The following GPC6 variants were observed in gnomAD, a reference collection of about 807,000 sequenced individuals.
GPC6 encodes the protein glypican-6.
In GPC6, 14 loss-of-function variants were observed where a neutral mutation model predicts 55.2. The ratio of observed to expected loss-of-function variants is 0.25; its 90% CI spans 0.17 to 0.40. GPC6 has a LOEUF of 0.40. GPC6 is among the 10% of genes least tolerant of loss of function. The probability of loss-of-function intolerance (pLI) is 1.00; values close to 1 mark genes in which losing one functional copy is unlikely to be tolerated. For synonymous variants in GPC6, 278 were observed against 259.6 expected (o/e 1.07, Z -0.68); for missense variants, 641 against 708.5 (o/e 0.90, Z 1.08).
At chr13:93,876,791 T>C (rs1173195724) in intron 3 of GPC6, among the ~76,000 whole-genome samples, 1 of 152,068 alleles carries the variant, frequency 6.6e-6, no homozygotes, top group African/African-American at 2.4e-5. Flanking sequence ...CTAGCAACCA[T>C]TTTGCTCTTA....
At chr13:93,538,794 T>G (rs1166335579) in intron 1 of GPC6, among the ~76,000 whole-genome samples, 1 of 152,192 alleles carries the variant, frequency 6.6e-6, no homozygotes, top group Non-Finnish European at 1.5e-5. Flanking sequence ...GTATGTTTCC[T>G]TCAGGAAAGA....
chr13:93,362,913 C>T (rs965598696), intron 1 of GPC6, among the ~76,000 whole-genome samples: 18 of 152,030 alleles, frequency 1.2e-4, no homozygotes, highest in African/African-American at 4.3e-4. Context: ...CAGATTCCAT[C>T]GCCCCACTGA....
At chr13:94,062,449 C>G (rs567160086) in intron 4 of GPC6, among the ~76,000 whole-genome samples, 1 of 152,130 alleles carries the variant, frequency 6.6e-6, no homozygotes, top group South Asian at 2.1e-4. Context: ...CCAGGTTTCA[C>G]CATGTTAGCC....
intron 3 of GPC6, among the ~76,000 whole-genome samples, chr13:93,861,946 A>G (rs74111004): frequency 0.037 from 5,581 of 151,728 alleles, 285 homozygotes; most frequent in East Asian, 0.17. Flanking sequence ...ATAAGGAGAC[A>G]TGCCTGCCCT....
chr13:93,425,308 G>A (rs1980727), intron 1 of GPC6, among the ~76,000 whole-genome samples: 23,153 of 152,004 alleles, frequency 0.15, 2,346 homozygotes, highest in East Asian at 0.47. Context: ...GTACTTGGTT[G>A]AATGATCAGT....
chr13:93,216,570 G>T, the GPC6 span, among the ~76,000 whole-genome samples: 1 of 151,960 alleles, frequency 6.6e-6, no homozygotes, highest in Admixed American at 6.6e-5. Context: ...GTCAACAGAG[G>T]GGTAGTGCAA....
At chr13:93,771,229 T>C (rs1297633383) in intron 2 of GPC6, among the ~76,000 whole-genome samples, 1 of 152,154 alleles carries the variant, frequency 6.6e-6, no homozygotes, top group African/African-American at 2.4e-5. Context: ...GTGAACTAAC[T>C]GGAAACACAA....
At chr13:93,898,655 G>A (rs1049830500) in intron 3 of GPC6, among the ~76,000 whole-genome samples, 1 of 151,852 alleles carries the variant, frequency 6.6e-6, no homozygotes, top group Non-Finnish European at 1.5e-5. Flanking sequence ...TGTTGTTAAG[G>A]CAGTTAAATC....
intron 2 of GPC6, among the ~76,000 whole-genome samples, chr13:93,820,501 T>A (rs1409700817): frequency 6.6e-6 from 1 of 152,062 alleles, no homozygotes; most frequent in Non-Finnish European, 1.5e-5. Context: ...AAAATAATTC[T>A]CCTTGTTTTG....
At chr13:93,930,325 G>A (rs966576673) in intron 3 of GPC6, among the ~76,000 whole-genome samples, 55 of 138,390 alleles carry the variant, frequency 4.0e-4, no homozygotes, top group African/African-American at 1.5e-3. Context: ...ATGCTGGAGT[G>A]CAGTGGTGCA....
intron 3 of GPC6, among the ~76,000 whole-genome samples, chr13:93,978,298 G>A (rs1277377510): frequency 6.6e-6 from 1 of 152,136 alleles, no homozygotes. Context: ...CTTATCTCCA[G>A]ATGAGATAGA....
At chr13:94,028,874 C>G (rs1594678324) in intron 4 of GPC6, among the ~76,000 whole-genome samples, 1 of 152,156 alleles carries the variant, frequency 6.6e-6, no homozygotes, top group African/African-American at 2.4e-5. Context: ...AGGCTTCTCC[C>G]AGGAAAATAC....
At chr13:94,222,675 A>G (rs550765682) in intron 4 of GPC6, among the ~76,000 whole-genome samples, 1 of 152,256 alleles carries the variant, frequency 6.6e-6, no homozygotes, top group South Asian at 2.1e-4. Flanking sequence ...TATTCAATAG[A>G]TATTATGTAA....
intron 3 of GPC6, among the ~76,000 whole-genome samples, chr13:93,841,996 T>C (rs1462950841): frequency 6.6e-6 from 1 of 152,212 alleles, no homozygotes; most frequent in Admixed American, 6.6e-5. Flanking sequence ...AGTCTTTTCA[T>C]AGAGAAATAT....
chr13:93,247,383 T>C (rs1876639909), intron 1 of GPC6, among the ~76,000 whole-genome samples: 1 of 152,216 alleles, frequency 6.6e-6, no homozygotes, highest in South Asian at 2.1e-4. Flanking sequence ...TGCTGGACAC[T>C]CCTATGTGGT....
intron 2 of GPC6, among the ~76,000 whole-genome samples, chr13:93,634,053 C>G (rs957607544): frequency 6.6e-6 from 1 of 152,158 alleles, no homozygotes; most frequent in African/African-American, 2.4e-5. Context: ...TTTGAATGTA[C>G]TGATGCAGTG....
chr13:94,048,913 A>G (rs1355680663), intron 4 of GPC6, among the ~76,000 whole-genome samples: 2 of 151,884 alleles, frequency 1.3e-5, no homozygotes, highest in Non-Finnish European at 2.9e-5. Context: ...CTGTGTCTTC[A>G]TGTTCTCTGC....
rs1039603133 is a variant in GPC6 at position 94,056,354 on chromosome 13, A to G, written c.877+28460A>G. Among the ~76,000 whole-genome samples, 108 of 152,318 alleles carry G rather than the reference A, an allele frequency of 7.1e-4. 1 individual carries two copies. The highest frequency in any genetic ancestry group is 3.4e-3 in the Middle Eastern group (1 of 294). On this transcript the variant is annotated intron_variant, in intron 4 of 8. Coordinates refer to ENST00000377047, the MANE Select transcript of GPC6 (RefSeq NM_005708.5). ...GGAAAATATTTTTGAATGAGTACCCAGTCCTATAAACTATATTAGTGAGTT... is the reference window on the plus strand; with the variant it reads ...GGAAAATATTTTTGAATGAGTACCCGGTCCTATAAACTATATTAGTGAGTT...
intron 2 of GPC6, among the ~76,000 whole-genome samples, chr13:93,550,981 T>C (rs1208109937): frequency 6.6e-6 from 1 of 152,124 alleles, no homozygotes; most frequent in African/African-American, 2.4e-5. Flanking sequence ...GCAGAATTAC[T>C]TGTATCCTAA....
Sources: gnomAD v4.1 joint callset for allele counts (sites outside exome capture counted in the v4.1 genomes callset) on GRCh38, gnomAD v4.1.1 for gene constraint, MANE v1.5 for transcripts, NCBI Gene and HGNC (gene_info 2026-07-23, HGNC 2026-07-21) for gene names.